NKAIN3: variants seen among roughly 807,000 people sequenced by gnomAD.
NKAIN3 encodes sodium/potassium transporting ATPase interacting 3, also known as sodium/potassium-transporting ATPase subunit beta-1-interacting protein 3.
NKAIN3 carries 25 observed loss-of-function variants against 30.2 expected under a neutral mutation model. The ratio of observed to expected loss-of-function variants is 0.83; its 90% CI spans 0.60 to 1.16. The LOEUF is 1.16. Among genes scored for constraint, NKAIN3 ranks in the 50% most tolerant of loss-of-function variants. NKAIN3 has a pLI of 0.00. For missense variants in NKAIN3, 225 were observed against 254.1 expected (o/e 0.89, Z 0.78); for synonymous variants, 91 against 89.6 (o/e 1.02, Z -0.09).
intron 4 of NKAIN3, among the ~76,000 whole-genome samples, chr8:62,815,821 G>A (rs959242917): frequency 6.6e-6 from 1 of 151,798 alleles, no homozygotes; most frequent in Admixed American, 6.6e-5. Context: ...TATTGTGGAA[G>A]TTTTCAATTG....
intron 3 of NKAIN3, among the ~76,000 whole-genome samples, chr8:62,590,938 A>G (rs1810632417): frequency 6.6e-6 from 1 of 151,970 alleles, no homozygotes; most frequent in African/African-American, 2.4e-5. Context: ...TCTCACTTAA[A>G]TAATTGTGCT....
rs563648049 is a variant in NKAIN3, at chr8:62,471,826, A to G, written c.55-107713A>G. On this transcript the variant is annotated intron_variant, in intron 1 of 6. Coordinates refer to ENST00000623646, the MANE Select transcript of NKAIN3 (RefSeq NM_001304533.3). Reference sequence around the variant, plus strand: ...GCTGGGTGTGCTGGAGCGTGCCTGTAGTCCCAGGTACTCAGAAGGCTGAGA... The same window carrying G: ...GCTGGGTGTGCTGGAGCGTGCCTGTGGTCCCAGGTACTCAGAAGGCTGAGA... Among the ~76,000 whole-genome samples the G allele has an allele frequency of 3.9e-5, 6 of 152,222 alleles. No individual in the cohort carries two copies. In the South Asian group the frequency reaches 1.2e-3, roughly 32 times the overall value.
At chr8:62,663,411 A>G (rs1813002782) in intron 3 of NKAIN3, among the ~76,000 whole-genome samples, 1 of 152,174 alleles carries the variant, frequency 6.6e-6, no homozygotes, top group African/African-American at 2.4e-5. Context: ...TGAAAATGAG[A>G]GGTCAGGCAT....
In NKAIN3 at chr8:62,304,246, G is replaced by A. The variant is rs147773644; in HGVS notation, c.54+55119G>A. On this transcript the variant is annotated intron_variant, in intron 1 of 6. Coordinates refer to ENST00000623646, the MANE Select transcript of NKAIN3 (RefSeq NM_001304533.3). ...GCAAGAAATTTTCAGTGCTCTCTCA[G>A]CCCCAATCTAAGCACAGAGAAATGT... 3.4e-3 allele frequency among the ~76,000 whole-genome samples: 504 copies of A among 150,414 alleles called. 44 individuals are homozygous for A. Among genetic ancestry groups the A allele is most frequent in the African/African-American group, 0.012 (493 of 39,900 alleles).
chr8:62,606,925 A>G (rs1455635585), intron 3 of NKAIN3, among the ~76,000 whole-genome samples: 3 of 152,172 alleles, frequency 2.0e-5, no homozygotes, highest in Admixed American at 6.5e-5. Flanking sequence ...TATTTCCTAC[A>G]TACAATTAAT....
At chr8:62,651,379 A>G (rs1177217315) in intron 3 of NKAIN3, among the ~76,000 whole-genome samples, 1 of 152,196 alleles carries the variant, frequency 6.6e-6, no homozygotes, top group Non-Finnish European at 1.5e-5. Context: ...CTCATAATGG[A>G]GCAATTTGCA....
chr8:62,582,752 A>C (rs1350041149), intron 2 of NKAIN3, among the ~76,000 whole-genome samples: 1 of 152,220 alleles, frequency 6.6e-6, no homozygotes, highest in Non-Finnish European at 1.5e-5. Context: ...CCTGCTCTGC[A>C]GGCACTAACC....
At chr8:62,410,872 CA>C (rs1018088700) in intron 1 of NKAIN3, among the ~76,000 whole-genome samples, 20 of 151,534 alleles carry the variant, frequency 1.3e-4, no homozygotes, top group African/African-American at 4.8e-4. Context: ...AGAAAAAAAA[CA>C]AAACAACAAC....
At chr8:62,533,698 C>T (rs774009031) in intron 1 of NKAIN3, among the ~76,000 whole-genome samples, 4 of 152,192 alleles carry the variant, frequency 2.6e-5, no homozygotes, top group Admixed American at 1.3e-4. Flanking sequence ...AATCTTTAGT[C>T]GTTAGCTGTA....
intron 1 of NKAIN3, among the ~76,000 whole-genome samples, chr8:62,500,232 G>T (rs897420993): frequency 4.6e-5 from 7 of 151,974 alleles, no homozygotes; most frequent in African/African-American, 1.7e-4. Context: ...GGATTTATTT[G>T]AACCCAAATA....
intron 3 of NKAIN3, among the ~76,000 whole-genome samples, chr8:62,595,263 T>TA (rs1215204314): frequency 2.6e-5 from 4 of 151,986 alleles, no homozygotes; most frequent in Non-Finnish European, 5.9e-5. Flanking sequence ...ACGCTTCTGA[T>TA]ACATTTTGCT....
Position 62,980,681 on chromosome 8 carries a change from A to G in NKAIN3, c.*15274A>G, listed in dbSNP as rs1043771356. The G allele has an allele frequency of 2.6e-5, 4 of 152,216 alleles. No homozygotes were observed. The highest frequency in any genetic ancestry group is 2.6e-4 in the Admixed American group (4 of 15,278). The allele number at this position is 152,216 out of a possible 1,614,324, so 9.4% of individuals were successfully genotyped here. On this transcript the variant is annotated 3_prime_UTR_variant, in exon 7 of 7. Transcript: ENST00000623646. ...TTTGACATGTATCTAAACCAGAAAAAAATATTCCTTGTACATGATATTTTT... is the reference window on the plus strand; with the variant it reads ...TTTGACATGTATCTAAACCAGAAAAGAATATTCCTTGTACATGATATTTTT...
At chr8:62,340,319 C>T (rs1039834422) in intron 1 of NKAIN3, among the ~76,000 whole-genome samples, 1 of 151,854 alleles carries the variant, frequency 6.6e-6, no homozygotes, top group Admixed American at 6.6e-5. Context: ...GGGCAGGTCA[C>T]CTATCAAATG....
intron 1 of NKAIN3, among the ~76,000 whole-genome samples, chr8:62,462,367 A>G (rs1030552683): frequency 1.3e-5 from 2 of 152,316 alleles, no homozygotes; most frequent in Admixed American, 1.3e-4. Flanking sequence ...GATATAATTC[A>G]CAATGCACCG....
chr8:62,599,036 G>A (rs753749857), intron 3 of NKAIN3, among the ~76,000 whole-genome samples: 3 of 152,012 alleles, frequency 2.0e-5, no homozygotes, highest in Admixed American at 6.6e-5. Context: ...ACAAAATGGG[G>A]TAGTCTCAAG....
At chr8:62,850,790 T>C (rs62510774) in intron 4 of NKAIN3, among the ~76,000 whole-genome samples, 12,050 of 152,056 alleles carry the variant, frequency 0.079, 558 homozygotes, top group South Asian at 0.14. Flanking sequence ...ATTTCTGAGG[T>C]GTCTGTTCTG....
At chr8:62,489,630 A>G (rs1280515948) in intron 1 of NKAIN3, among the ~76,000 whole-genome samples, 1 of 152,220 alleles carries the variant, frequency 6.6e-6, no homozygotes, top group Non-Finnish European at 1.5e-5. Flanking sequence ...TATTTAAAAG[A>G]GTTGTGTTTG....
rs771094335 is a variant in NKAIN3, at chr8:62,747,097, G to T, written c.439G>T (p.Val147Phe). ...GCIVDFQYLE[V>F]IHSAVQILLS... is the part of the protein sequence containing the mutation. ...CATCGTTGACTTCCAGTACCTGGAGGTCATCCACAGTGCTGTCCAAATACT... is the reference window on the plus strand; with the variant it reads ...CATCGTTGACTTCCAGTACCTGGAGTTCATCCACAGTGCTGTCCAAATACT... The change falls in exon 4 of 7, where the codon GTC (valine) becomes TTC (phenylalanine). Residue 147 changes from valine to phenylalanine, a missense_variant. By Grantham distance (50) the Val-to-Phe change is conservative (BLOSUM62 -1). Coordinates refer to ENST00000623646, the MANE Select transcript of NKAIN3 (RefSeq NM_001304533.3). 2.5e-6 allele frequency: 4 copies of T among 1,612,636 alleles called. No homozygotes were observed. In the African/African-American group the frequency reaches 4.0e-5, roughly 16 times the overall value.
chr8:62,643,189 C>A (rs1255030674), intron 3 of NKAIN3, among the ~76,000 whole-genome samples: 1 of 151,908 alleles, frequency 6.6e-6, no homozygotes, highest in East Asian at 1.9e-4. Flanking sequence ...GTATTTTTTT[C>A]ACCTCCAGTA....
Sources: allele counts gnomAD v4.1 joint callset (sites outside exome capture counted in the v4.1 genomes callset), GRCh38; gene constraint gnomAD v4.1.1; transcripts MANE v1.5; gene names NCBI Gene and HGNC (gene_info 2026-07-23, HGNC 2026-07-21).